The following DMD variants were observed in gnomAD, a reference collection of about 807,000 sequenced individuals.
DMD encodes the protein dystrophin.
A neutral mutation model predicts 330.1 loss-of-function variants in DMD; 63 were observed. The observed-to-expected ratio is 0.19, with a 90% CI of 0.16 to 0.24. The LOEUF (loss-of-function observed/expected upper bound fraction) is 0.24. DMD is among the 10% of genes least tolerant of loss of function. DMD has a pLI of 1.00. For missense variants in DMD, 3,344 were observed against 2,684.1 expected (o/e 1.25, Z -5.43); for synonymous variants, 1,223 against 959.8 (o/e 1.27, Z -5.07).
intron 44 of DMD, among the ~76,000 whole-genome samples, chrX:32,158,805 C>G (rs775086730): frequency 8.9e-6 from 1 of 112,015 alleles, no homozygotes; most frequent in East Asian, 2.8e-4. Flanking sequence ...AGGACCAAAG[C>G]TACCTACCCC....
intron 44 of DMD, among the ~76,000 whole-genome samples, chrX:32,107,517 G>C (rs182854822): frequency 2.0e-4 from 22 of 109,659 alleles, no homozygotes; most frequent in Non-Finnish European, 1.9e-5. Context: ...AATCGAAGTA[G>C]AGCAGACTTG....
At position 31,348,873 on chromosome X, in the gene DMD, GT is replaced by G. The variant is rs1290400596; in HGVS notation, c.9085-240del. 2.7e-5 allele frequency among the ~76,000 whole-genome samples: 3 copies of G among 109,539 alleles called. No individual in the cohort carries two copies. The Admixed American group carries it at 2.9e-4, about 11-fold the overall frequency. On this transcript the variant is annotated intron_variant, in intron 60 of 78. Coordinates refer to ENST00000357033, the MANE Select transcript of DMD (RefSeq NM_004006.3). ...TCGACAATGTTAAAATGAGATTTTG[GT>G]TTTTTTTTACAGTCAACTCATTGGC...
chrX:32,922,627 A>G (rs1290894389), intron 2 of DMD, among the ~76,000 whole-genome samples: 3 of 112,323 alleles, frequency 2.7e-5, no homozygotes, highest in Non-Finnish European at 5.6e-5. Flanking sequence ...TCTCGCTCCT[A>G]TGAGAATGTA....
intron 52 of DMD, among the ~76,000 whole-genome samples, chrX:31,721,589 ATCTCTCTC>A (rs59628263): frequency 1.8e-3 from 161 of 90,834 alleles, no homozygotes; most frequent in African/African-American, 5.6e-3. Flanking sequence ...CTTAAAATCA[ATCTCTCTC>A]TCTCTCTCTC....
chrX:31,921,893 C>T (rs1201894377), intron 47 of DMD, among the ~76,000 whole-genome samples: 1 of 111,818 alleles, frequency 8.9e-6, no homozygotes, highest in Non-Finnish European at 1.9e-5. Context: ...TTTACTTTTT[C>T]CTTGTTTGTA....
At chrX:32,736,743 A>G (rs2068548724) in intron 7 of DMD, among the ~76,000 whole-genome samples, 1 of 87,340 alleles carries the variant, frequency 1.1e-5, no homozygotes, top group Admixed American at 1.3e-4. Flanking sequence ...AGGAAGGGGA[A>G]CACCACACTC....
At chrX:31,193,372 G>C (rs775127810) in intron 67 of DMD, among the ~76,000 whole-genome samples, 2 of 112,284 alleles carry the variant, frequency 1.8e-5, no homozygotes, top group Non-Finnish European at 1.9e-5. Context: ...TCAGTAAAGA[G>C]AGATATCATT....
chrX:31,216,232 G>A (rs1292519592), intron 64 of DMD, among the ~76,000 whole-genome samples: 1 of 112,562 alleles, frequency 8.9e-6, no homozygotes, highest in Admixed American at 9.3e-5. Flanking sequence ...ATGGCAAGCT[G>A]CCAAGGTTGA....
intron 63 of DMD, among the ~76,000 whole-genome samples, chrX:31,230,021 A>T (rs1030502933): frequency 6.2e-5 from 7 of 112,307 alleles, no homozygotes; most frequent in Admixed American, 4.7e-4. Context: ...TTATTGGGAG[A>T]TCTTCAAGAA....
chrX:31,219,073 C>T (rs1191624761), intron 64 of DMD, among the ~76,000 whole-genome samples: 2 of 111,640 alleles, frequency 1.8e-5, no homozygotes, highest in African/African-American at 3.3e-5. Flanking sequence ...CTATGATTCT[C>T]TCTGACCACA....
At chrX:32,972,601 T>A (rs1252094280) in intron 2 of DMD, among the ~76,000 whole-genome samples, 1 of 112,209 alleles carries the variant, frequency 8.9e-6, no homozygotes, top group Admixed American at 9.5e-5. Context: ...AAAACAAAAC[T>A]GGGGCTATTT....
intron 44 of DMD, among the ~76,000 whole-genome samples, chrX:32,030,776 A>G (rs1208630578): frequency 1.8e-5 from 2 of 112,149 alleles, no homozygotes; most frequent in Admixed American, 9.4e-5. Flanking sequence ...GCTAAGCTTT[A>G]CTGTATACCT....
At position 32,194,957 on chromosome X, in the gene DMD, C is replaced by T. The variant is rs563053495; in HGVS notation, c.6438+21959G>A. Among the ~76,000 whole-genome samples the T allele has an allele frequency of 4.5e-5, 5 of 111,026 alleles. No individual in the cohort carries two copies. In the South Asian group the frequency reaches 1.1e-3, roughly 25 times the overall value. On this transcript the variant is annotated intron_variant, in intron 44 of 78. Transcript: ENST00000357033. Reference sequence around the variant, plus strand: ...CATTTTGAGAAGATCCATTTTGCTGCGGTGTAGGATTGAATAGGAAGAGAA... The same window carrying T: ...CATTTTGAGAAGATCCATTTTGCTGTGGTGTAGGATTGAATAGGAAGAGAA...
At chrX:31,661,058 A>G (rs1021962651) in intron 53 of DMD, among the ~76,000 whole-genome samples, 1 of 112,432 alleles carries the variant, frequency 8.9e-6, no homozygotes, top group Non-Finnish European at 1.9e-5. Flanking sequence ...GAGTTAAATG[A>G]CAGATTTCCT....
chrX:32,430,168 G>A (rs1448383520), intron 29 of DMD, among the ~76,000 whole-genome samples: 1 of 111,322 alleles, frequency 9.0e-6, no homozygotes, highest in Non-Finnish European at 1.9e-5. Flanking sequence ...TAGATAAGAA[G>A]TCTAATGACA....
intron 9 of DMD, among the ~76,000 whole-genome samples, chrX:32,654,114 C>T (rs1242969408): frequency 3.6e-5 from 4 of 111,327 alleles, no homozygotes; most frequent in African/African-American, 9.8e-5. Context: ...AATTTGACTT[C>T]CTCTTTTCCT....
At chrX:32,055,937 C>G (rs1347880311) in intron 44 of DMD, among the ~76,000 whole-genome samples, 1 of 110,819 alleles carries the variant, frequency 9.0e-6, no homozygotes, top group Non-Finnish European at 1.9e-5. Flanking sequence ...TTTTCTCCAA[C>G]CCTCAGTTTC....
intron 43 of DMD, among the ~76,000 whole-genome samples, chrX:32,252,747 T>TATATAA (rs2097274231): frequency 2.9e-5 from 1 of 35,025 alleles, no homozygotes; most frequent in African/African-American, 1.4e-4. Context: ...TATATATAAA[T>TATATAA]ATATATAAAT....
intron 1 of DMD, among the ~76,000 whole-genome samples, chrX:33,115,878 T>C (rs1191435612): frequency 9.0e-6 from 1 of 110,864 alleles, no homozygotes; most frequent in Non-Finnish European, 1.9e-5. Context: ...TGATGCTCAA[T>C]GTTTTATAAA....
Sources: gnomAD v4.1 joint callset for allele counts (sites outside exome capture counted in the v4.1 genomes callset) on GRCh38, gnomAD v4.1.1 for gene constraint, MANE v1.5 for transcripts, NCBI Gene and HGNC (gene_info 2026-07-23, HGNC 2026-07-21) for gene names.